Variants in CCDC7 observed in about 807,000 individuals in gnomAD.
The protein encoded by CCDC7 is coiled-coil domain containing 7.
CCDC7 carries 183 observed loss-of-function variants against 196.9 expected under a neutral mutation model. The ratio of observed to expected loss-of-function variants is 0.93; its 90% confidence interval spans 0.82 to 1.05. The LOEUF (loss-of-function observed/expected upper bound fraction) is 1.05. Ranked by LOEUF, CCDC7 falls within the 50% of genes least tolerant of loss-of-function variation. The pLI, the probability that CCDC7 is intolerant of heterozygous loss-of-function variation, is 0.00. For missense variants in CCDC7, 1,540 were observed against 1,482.2 expected (o/e 1.04, Z -0.64); for synonymous variants, 525 against 484.6 (o/e 1.08, Z -1.10).
At chr10:32,656,401 T>C (rs1483306164) in intron 20 of CCDC7, among the ~76,000 whole-genome samples, 1 of 152,176 alleles carries the variant, frequency 6.6e-6, no homozygotes, top group African/African-American at 2.4e-5. Flanking sequence ...GGGTAATTTA[T>C]AAAGAAAAGA....
chr10:32,735,424 A>G (rs966268594), intron 28 of CCDC7, among the ~76,000 whole-genome samples: 3 of 152,144 alleles, frequency 2.0e-5, no homozygotes, highest in East Asian at 1.9e-4. Flanking sequence ...TGGCATCTCA[A>G]TGTAGTGGCA....
At chr10:32,694,394 G>A (rs945069019) in intron 23 of CCDC7, among the ~76,000 whole-genome samples, 4 of 152,090 alleles carry the variant, frequency 2.6e-5, no homozygotes, top group African/African-American at 7.2e-5. Flanking sequence ...ATTTGCCTAC[G>A]GCAAAATGGG....
At chr10:32,653,891 A>G (rs1292712380) in intron 20 of CCDC7, among the ~76,000 whole-genome samples, 3 of 152,120 alleles carry the variant, frequency 2.0e-5, no homozygotes, top group Admixed American at 2.0e-4. Context: ...CTTTTCATTC[A>G]CTATTTATTA....
At chr10:32,492,068 C>G in intron 9 of CCDC7, 71 bp downstream of exon 10, 3 of 1,415,972 alleles carry the variant, frequency 2.1e-6, no homozygotes, top group Non-Finnish European at 2.8e-6. Flanking sequence ...TTGTATTTTT[C>G]CATATGTAAT....
chr10:32,790,937 A>G (rs1252202719), intron 29 of CCDC7, among the ~76,000 whole-genome samples: 2 of 152,190 alleles, frequency 1.3e-5, no homozygotes, highest in Admixed American at 6.5e-5. Flanking sequence ...AGTGCTGCTG[A>G]TGCTGCCTGC....
At chr10:32,637,688 G>A (rs999818138) in intron 20 of CCDC7, among the ~76,000 whole-genome samples, 5 of 152,074 alleles carry the variant, frequency 3.3e-5, no homozygotes, top group African/African-American at 4.8e-5. Flanking sequence ...TGTTCTTTTG[G>A]CTTAGAATTG....
chr10:32,478,026 A>T (rs772779214), intron 8 of CCDC7, among the ~76,000 whole-genome samples: 2 of 152,182 alleles, frequency 1.3e-5, no homozygotes, highest in Non-Finnish European at 2.9e-5. Flanking sequence ...CAGAGTAATG[A>T]ACTTTTCCTC....
chr10:32,867,468 A>G (rs1462771242), intron 41 of CCDC7, among the ~76,000 whole-genome samples: 2 of 151,260 alleles, frequency 1.3e-5, no homozygotes, highest in Non-Finnish European at 3.0e-5. Flanking sequence ...ACAGAATAAA[A>G]CTGAATAAAT....
At chr10:32,759,386 CA>C (rs2077042150) in intron 28 of CCDC7, among the ~76,000 whole-genome samples, 1 of 152,156 alleles carries the variant, frequency 6.6e-6, no homozygotes, top group African/African-American at 2.4e-5. Context: ...GTACTGGTAC[CA>C]AAACAGAGAT....
At chr10:32,591,504 T>G (rs890965225) in intron 18 of CCDC7, among the ~76,000 whole-genome samples, 24 of 152,046 alleles carry the variant, frequency 1.6e-4, no homozygotes, top group Middle Eastern at 3.4e-3. Flanking sequence ...TTGCTTGTTT[T>G]TTTGTTTGTT....
intron 18 of CCDC7, among the ~76,000 whole-genome samples, chr10:32,628,734 A>AATTT (rs1213026007): frequency 4.6e-5 from 7 of 151,762 alleles, no homozygotes; most frequent in Admixed American, 2.0e-4. Context: ...TGTATGTTTT[A>AATTT]ATTTTCCTTT....
chr10:32,712,177 C>T (rs1187212042), intron 25 of CCDC7, among the ~76,000 whole-genome samples: 2 of 152,030 alleles, frequency 1.3e-5, no homozygotes, highest in Non-Finnish European at 2.9e-5. Context: ...TGGTCAAGGC[C>T]CCATTCAAAG....
chr10:32,561,452 CTCAG>C (rs1243605223), intron 13 of CCDC7, among the ~76,000 whole-genome samples: 2 of 152,222 alleles, frequency 1.3e-5, no homozygotes, highest in Non-Finnish European at 2.9e-5. Flanking sequence ...CAAACTGTCT[CTCAG>C]ACCACAGTGC....
intron 20 of CCDC7, among the ~76,000 whole-genome samples, chr10:32,643,478 GA>G (rs1426640524): frequency 6.6e-6 from 1 of 151,676 alleles, no homozygotes; most frequent in African/African-American, 2.4e-5. Context: ...TTTATTCATA[GA>G]ACGTTTCAAT....
chr10:32,810,208 A>G (rs2086784470), intron 30 of CCDC7, among the ~76,000 whole-genome samples: 1 of 152,168 alleles, frequency 6.6e-6, no homozygotes, highest in African/African-American at 2.4e-5. Flanking sequence ...TTATTCTTGA[A>G]TGTAAACAGA....
chr10:32,667,472 A>G (rs1396173276), intron 21 of CCDC7, among the ~76,000 whole-genome samples: 1 of 152,106 alleles, frequency 6.6e-6, no homozygotes, highest in African/African-American at 2.4e-5. Flanking sequence ...GGTATCGCCT[A>G]GATTTTCTTC....
chr10:32,626,238 T>C (rs1250155141), intron 18 of CCDC7, among the ~76,000 whole-genome samples: 1 of 152,034 alleles, frequency 6.6e-6, no homozygotes, highest in Non-Finnish European at 1.5e-5. Flanking sequence ...TTATCTTTGG[T>C]ATTTTTGATA....
intron 21 of CCDC7, among the ~76,000 whole-genome samples, chr10:32,677,328 C>G (rs2075168211): frequency 6.6e-6 from 1 of 151,292 alleles, no homozygotes; most frequent in Non-Finnish European, 1.5e-5. Context: ...AACTAACCTG[C>G]ACATTGTGCA....
At chr10:32,853,038 G>C (rs2093621790) in intron 40 of CCDC7, among the ~76,000 whole-genome samples, 1 of 152,206 alleles carries the variant, frequency 6.6e-6, no homozygotes, top group East Asian at 1.9e-4. Flanking sequence ...TCTCAAGCTG[G>C]GTTAGTCATT....
Sources: allele counts gnomAD v4.1 joint callset (sites outside exome capture counted in the v4.1 genomes callset), GRCh38; gene constraint gnomAD v4.1.1; transcripts MANE v1.5; gene names NCBI Gene and HGNC (gene_info 2026-07-23, HGNC 2026-07-21).